Variants in KDM4B observed in about 807,000 individuals in gnomAD.
KDM4B encodes lysine demethylase 4B, also known as lysine-specific demethylase 4B.
A neutral mutation model predicts 125.2 loss-of-function variants in KDM4B; 32 were observed. The observed-to-expected ratio is 0.26, with a 90% confidence interval of 0.19 to 0.34. The LOEUF is 0.34. KDM4B is among the 10% of genes least tolerant of loss of function. The pLI is 1.00. For missense variants in KDM4B, 1,190 were observed against 1,577.7 expected, an observed-to-expected ratio of 0.75 and a Z score of 4.16; for synonymous variants, 721 against 677.9, an observed-to-expected ratio of 1.06 and a Z score of -0.99.
At position 5,043,186 on chromosome 19, in the gene KDM4B, C is replaced by T. The variant is rs144099317; in HGVS notation, c.432+1935C>T. On this transcript the variant is annotated intron_variant, in intron 5 of 22. Transcript: ENST00000159111. ...GAGTGGGGGTGTCCACCTTATCCCGCGTGGTGTTTATTGGAGTGGGGTGTC... is the reference window on the plus strand; with the variant it reads ...GAGTGGGGGTGTCCACCTTATCCCGTGTGGTGTTTATTGGAGTGGGGTGTC... 5.9e-3 allele frequency among the ~76,000 whole-genome samples: 840 copies of T among 143,470 alleles called. 23 individuals are homozygous for T. The highest frequency in any genetic ancestry group is 0.052 in the Admixed American group (748 of 14,306). 94.1% of individuals were successfully genotyped at this position (143,470 alleles called of 152,430 possible).
chr19:5,003,102 C>T (rs1182765374), intron 1 of KDM4B, among the ~76,000 whole-genome samples: 3 of 152,194 alleles, frequency 2.0e-5, no homozygotes, highest in Non-Finnish European at 4.4e-5. Context: ...CGTTCCGATT[C>T]CACCGCCGTT....
At chr19:5,077,231 G>C (rs761423789) in intron 7 of KDM4B, 136 bp from the exon 8 acceptor site, 30 of 733,606 alleles carry the variant, frequency 4.1e-5, no homozygotes, top group Non-Finnish European at 6.5e-5. Flanking sequence ...ACCAAGGGCA[G>C]ATCTGGGCCG....
At chr19:5,116,124 G>T (rs1004318419) in intron 10 of KDM4B, among the ~76,000 whole-genome samples, 12 of 151,418 alleles carry the variant, frequency 7.9e-5, no homozygotes, top group African/African-American at 2.9e-4. Context: ...ACTGGGGCTG[G>T]GCATGGTAGC....
intron 1 of KDM4B, among the ~76,000 whole-genome samples, chr19:5,000,068 A>G (rs191781739): frequency 1.0e-4 from 13 of 128,634 alleles, no homozygotes; most frequent in African/African-American, 3.7e-4. Flanking sequence ...CTATCCATCT[A>G]TCCACCTGTC....
chr19:5,067,703 A>G (rs1355212425), intron 6 of KDM4B, among the ~76,000 whole-genome samples: 3 of 152,148 alleles, frequency 2.0e-5, no homozygotes, highest in Non-Finnish European at 4.4e-5. Context: ...AGCCGGTAGC[A>G]TCTCAGAGCT....
rs117921451 is a variant in KDM4B, at chr19:4,971,015, G to T, written c.-109+1785G>T. 1.3e-5 allele frequency among the ~76,000 whole-genome samples: 2 copies of T among 152,158 alleles called. No homozygotes were observed. On this transcript the variant is annotated intron_variant, in intron 1 of 22. Transcript: ENST00000159111. The surrounding 1 kb of genome is among the most constrained non-coding windows in gnomAD (Gnocchi z 4.1). ...AACGGAGATTCTGCCGCACAGACGG[G>T]TGTCTGTGTACAGGCTGTTTTGGTG...
At position 4,997,904 on chromosome 19, in the gene KDM4B, A is replaced by G. The variant is rs1390099584; in HGVS notation, c.-108-18353A>G. ...CCACTCTGCACTGCTGTCCCTCTCC[A>G]CCCAGGCCTTGGGGCTCCCAGACAA... On this transcript the variant is annotated intron_variant, in intron 1 of 22. Coordinates refer to ENST00000159111, the MANE Select transcript of KDM4B (RefSeq NM_015015.3). The surrounding 1 kb of genome is among the most constrained non-coding windows in gnomAD (Gnocchi z 4.2). Among the ~76,000 whole-genome samples the G allele has an allele frequency of 3.3e-5, 5 of 152,216 alleles. No individual in the cohort carries two copies. Among genetic ancestry groups the G allele is most frequent in the African/African-American group, 1.2e-4 (5 of 41,462 alleles).
rs367983216 is a variant in KDM4B, at chr19:5,032,876, C to T, written c.-15C>T. 39 of 1,613,520 alleles carry T rather than the reference C, an allele frequency of 2.4e-5. No homozygotes were observed. Among genetic ancestry groups the T allele is most frequent in the East Asian group, 1.6e-4 (7 of 44,876 alleles). On this transcript the variant is annotated 5_prime_UTR_variant, in exon 3 of 23. Transcript: ENST00000159111. ...CGTCTTCCTCCACAGGTGTGCTTCC[C>T]GCACAGCTGCAGCCATGGGGTCTGA...
At chr19:5,097,122 A>G (rs747578944) in intron 9 of KDM4B, among the ~76,000 whole-genome samples, 32 of 152,184 alleles carry the variant, frequency 2.1e-4, no homozygotes, top group Non-Finnish European at 4.3e-4. Context: ...AGAGTCACCA[A>G]GGGAAGGAGG....
intron 11 of KDM4B, among the ~76,000 whole-genome samples, chr19:5,130,070 T>G (rs989724863): frequency 2.0e-5 from 3 of 152,052 alleles, no homozygotes; most frequent in Admixed American, 1.3e-4. Context: ...TCAGCTCGAG[T>G]CCCTTCCTCT....
rs938283998 is a variant in KDM4B, at chr19:5,114,203, T to C, written c.1115+3385T>C. ...AACTCTTTCCACGCGAGAAGCGCCA[T>C]GTGCACGTGCTCCAGCAGGTACGCG... On this transcript the variant is annotated intron_variant, in intron 10 of 22. Coordinates refer to ENST00000159111, the MANE Select transcript of KDM4B (RefSeq NM_015015.3). This position sits in a 1 kb window ranked among gnomAD's most constrained non-coding sequence, Gnocchi z 5.8. The C allele has an allele frequency of 7.8e-7, 1 of 1,289,714 alleles. No individual in the cohort carries two copies. Among genetic ancestry groups the C allele is most frequent in the Non-Finnish European group, 1.0e-6 (1 of 988,856 alleles). 79.9% of individuals were successfully genotyped at this position (1,289,714 alleles called of 1,614,324 possible).
At chr19:5,127,923 C>A (rs1023559944) in intron 11 of KDM4B, among the ~76,000 whole-genome samples, 5 of 150,970 alleles carry the variant, frequency 3.3e-5, no homozygotes, top group African/African-American at 1.2e-4. Context: ...GGCGGGGACT[C>A]CCCAGGGACC....
At chr19:5,070,915 A>G (rs1027822831) in intron 6 of KDM4B, 95 bp from the exon 7 acceptor site, 21 of 1,303,804 alleles carry the variant, frequency 1.6e-5, no homozygotes, top group Non-Finnish European at 2.2e-5. Flanking sequence ...TGCCCTGGGC[A>G]CTGTCTGCGT....
At position 5,119,666 on chromosome 19, in the gene KDM4B, C is replaced by T. The variant is rs1238360670; in HGVS notation, c.1129C>T (p.Arg377Trp). 17 of 1,555,910 alleles carry T rather than the reference C, an allele frequency of 1.1e-5. No individual in the cohort carries two copies. Among genetic ancestry groups the T allele is most frequent in the Non-Finnish European group, 1.3e-5 (15 of 1,149,374 alleles). Residue 377 changes from arginine (R) to tryptophan (W), a missense_variant, in exon 11 of 23, where the codon CGG (arginine) becomes TGG (tryptophan). Arg to Trp is a moderately radical substitution (Grantham distance 101). Transcript: ENST00000159111. Reference protein sequence around the residue: ...AKLLRRSHRKRSQPKKPKPED... With the variant: ...AKLLRRSHRKWSQPKKPKPED... ...CTCCCTCTCCAGGTCTCACCGGAAA[C>T]GGAGCCAGCCCAAGAAGCCGAAGCC...
At chr19:5,097,963 A>T (rs1443116766) in intron 9 of KDM4B, among the ~76,000 whole-genome samples, 1 of 152,134 alleles carries the variant, frequency 6.6e-6, no homozygotes, top group Non-Finnish European at 1.5e-5. Context: ...GGGGGCGCAA[A>T]TGTCAGTCGG....
At chr19:5,070,985 C>G in intron 6 of KDM4B, 25 bp from the exon 7 acceptor site, 1 of 1,613,556 alleles carries the variant, frequency 6.2e-7, no homozygotes, top group Non-Finnish European at 8.5e-7. Context: ...GATCTTGCCT[C>G]TGACGTGCCT....
chr19:5,019,968 GCA>G (rs1485241860), intron 2 of KDM4B, among the ~76,000 whole-genome samples: 2 of 142,106 alleles, frequency 1.4e-5, no homozygotes, highest in Non-Finnish European at 3.0e-5. Flanking sequence ...GTGTTAGTGT[GCA>G]GGTGTTGGTG....
intron 3 of KDM4B, among the ~76,000 whole-genome samples, chr19:5,034,071 C>G (rs949977018): frequency 6.6e-6 from 1 of 152,188 alleles, no homozygotes; most frequent in Admixed American, 6.5e-5. Context: ...GAGGTTGAGG[C>G]TGCAGTGAGC....
chr19:5,100,361 A>C (rs1256495200), intron 9 of KDM4B, among the ~76,000 whole-genome samples: 1 of 152,192 alleles, frequency 6.6e-6, no homozygotes, highest in African/African-American at 2.4e-5. Flanking sequence ...CTAGTGTTCC[A>C]CTTTATCTTC....
Sources: gnomAD v4.1 joint callset for allele counts (sites outside exome capture counted in the v4.1 genomes callset) on GRCh38, gnomAD v4.1.1 for gene constraint, Gnocchi (gnomAD v3.1) non-coding constraint, MANE v1.5 for transcripts, NCBI Gene and HGNC (gene_info 2026-07-23, HGNC 2026-07-21) for gene names.